TOR1AIP2: variants seen among roughly 807,000 people sequenced by gnomAD.
TOR1AIP2 encodes torsin 1A interacting protein 2.
Under a neutral mutation model 32.6 loss-of-function variants are expected in TOR1AIP2, and 20 were observed. The ratio of observed to expected loss-of-function variants is 0.61; its 90% CI spans 0.43 to 0.89. TOR1AIP2 has a LOEUF of 0.89. Ranked by LOEUF, TOR1AIP2 falls within the 40% of genes least tolerant of loss-of-function variation. TOR1AIP2 has a pLI of 0.00. For missense variants in TOR1AIP2, 456 were observed against 553.8 expected (o/e 0.82, Z 1.77); for synonymous variants, 214 against 210.8 (o/e 1.02, Z -0.13).
At chr1:179,854,621 G>A (rs1296357112) in intron 3 of TOR1AIP2, among the ~76,000 whole-genome samples, 1 of 152,164 alleles carries the variant, frequency 6.6e-6, no homozygotes, top group African/African-American at 2.4e-5. Flanking sequence ...TGTAATCCCT[G>A]CACTTTGGGA....
chr1:179,869,973 G>A (rs547208625), intron 2 of TOR1AIP2, among the ~76,000 whole-genome samples: 10 of 152,292 alleles, frequency 6.6e-5, no homozygotes, highest in Admixed American at 4.6e-4. Context: ...TGCTCACAAA[G>A]CCAAAGGATA....
In TOR1AIP2 at chr1:179,846,522, G is replaced by A. The variant is rs745476578; in HGVS notation, c.962C>T (p.Ser321Phe). Residue 321 changes from serine to phenylalanine, a missense_variant, in exon 7 of 7, where the codon TCT becomes TTT. Physicochemically the swap from Ser to Phe is radical, Grantham distance 155 (BLOSUM62 -2). Coordinates refer to ENST00000609928, the MANE Select transcript of TOR1AIP2 (RefSeq NM_001199260.2). ...CTGAATGGGAGAGACTTTCTGGGAA[G>A]AGGTGTAGGCATCTGCAACATGGTG... The part of the protein sequence containing the change: ...LSHHVADAYT[S>F]SQKVSPIQID... 47 of 1,614,058 alleles carry A rather than the reference G, an allele frequency of 2.9e-5. No homozygotes were observed. The highest frequency in any genetic ancestry group is 3.9e-5 in the Non-Finnish European group (46 of 1,180,034).
intron 3 of TOR1AIP2, chr1:179,864,028 T>C (rs1474192810): frequency 1.0e-6 from 1 of 985,338 alleles, no homozygotes; most frequent in Non-Finnish European, 1.2e-6. Flanking sequence ...CTTTTCCATT[T>C]CCAGGGGAGG....
At chr1:179,864,441 G>C in intron 3 of TOR1AIP2, 2 of 1,045,316 alleles carry the variant, frequency 1.9e-6, no homozygotes, top group African/African-American at 3.4e-5. Context: ...ACACAGTATA[G>C]GACTTCCCCT....
chr1:179,849,430 T>C (rs13374504), intron 5 of TOR1AIP2, among the ~76,000 whole-genome samples: 2,973 of 152,006 alleles, frequency 0.02, 116 homozygotes, highest in African/African-American at 0.068. Flanking sequence ...GTTTTTGCCA[T>C]GTTGCCCAGG....
At chr1:179,871,874 G>T (rs1246845826) in intron 2 of TOR1AIP2, among the ~76,000 whole-genome samples, 2 of 151,914 alleles carry the variant, frequency 1.3e-5, no homozygotes, top group Admixed American at 1.3e-4. Flanking sequence ...TATGAAAAAA[G>T]GAATCATTCT....
Position 179,852,644 on chromosome 1 carries a change from C to T in TOR1AIP2, c.22G>A (p.Glu8Lys). Residue 8 changes from glutamate (E) to lysine (K), a missense_variant, in exon 4 of 7, where the codon GAA becomes AAA. By Grantham distance (56) the Glu-to-Lys change is moderately conservative. Coordinates refer to ENST00000609928, the MANE Select transcript of TOR1AIP2 (RefSeq NM_001199260.2). Reference sequence around the variant, plus strand: ...AAATCAGTCTTACCCTCTTGAGGTTCCCTAAGTCCACTGTCGGCCATGTTT... The same window carrying T: ...AAATCAGTCTTACCCTCTTGAGGTTTCCTAAGTCCACTGTCGGCCATGTTT... Reference protein sequence around the residue: MADSGLREPQEDSQKDLE... With the variant: MADSGLRKPQEDSQKDLE... 6.2e-7 allele frequency: 1 copy of T among 1,614,076 alleles called. No individual in the cohort carries two copies. Among genetic ancestry groups the T allele is most frequent in the Non-Finnish European group, 8.5e-7 (1 of 1,179,976 alleles).
chr1:179,863,777 T>G, intron 3 of TOR1AIP2: 1 of 984,656 alleles, frequency 1.0e-6, no homozygotes, highest in South Asian at 4.7e-5. Flanking sequence ...ACTAGATACC[T>G]AGATACCTGG....
rs1183656386 is a variant in TOR1AIP2, at chr1:179,845,287, G to C, written c.*784C>G. On this transcript the variant is annotated 3_prime_UTR_variant, in exon 7 of 7. Coordinates refer to ENST00000609928, the MANE Select transcript of TOR1AIP2 (RefSeq NM_001199260.2). ...AAAAGCAGAACTGCTCTGATACAAA[G>C]GGGAAGGGTGCCAGTAGACACAGTT... 1 of 152,188 alleles carries C rather than the reference G, an allele frequency of 6.6e-6. No homozygotes were observed. The highest frequency in any genetic ancestry group is 2.4e-5 in the African/African-American group (1 of 41,442). 9.4% of individuals were successfully genotyped at this position (152,188 alleles called of 1,614,324 possible). A position where few individuals can be genotyped will look rare whatever the true frequency, so the allele number is the denominator to read the frequency against.
At position 179,877,726 on chromosome 1, in the gene TOR1AIP2, T is replaced by C. The variant is rs2148464681; in HGVS notation, c.-734A>G. ...GCGAAGTTTTAAATCGTAAAACTGTTAGTATCAGGAGAGCCCTTCGAGTAT... is the reference window on the plus strand; with the variant it reads ...GCGAAGTTTTAAATCGTAAAACTGTCAGTATCAGGAGAGCCCTTCGAGTAT... On this transcript the variant is annotated 5_prime_UTR_variant, in exon 1 of 7. Transcript: ENST00000609928. The C allele has an allele frequency of 6.6e-6, 1 of 152,328 alleles. No individual in the cohort carries two copies. The highest frequency in any genetic ancestry group is 2.1e-4 in the South Asian group (1 of 4,836). The allele number at this position is 152,328 out of a possible 1,614,324, so 9.4% of individuals were successfully genotyped here.
At chr1:179,870,005 T>C (rs543180574) in intron 2 of TOR1AIP2, among the ~76,000 whole-genome samples, 30 of 152,332 alleles carry the variant, frequency 2.0e-4, no homozygotes, top group South Asian at 1.2e-3. Context: ...TGAATAAATA[T>C]TGGCGGTGGG....
chr1:179,864,977 G>A, intron 3 of TOR1AIP2: 1 of 1,614,044 alleles, frequency 6.2e-7, no homozygotes, highest in Non-Finnish European at 8.5e-7. Flanking sequence ...AAGTGGGAAA[G>A]ACCAAGGAAG....
chr1:179,846,961 G>A, intron 6 of TOR1AIP2, 133 bp from the exon 7 acceptor site: 1 of 926,386 alleles, frequency 1.1e-6, no homozygotes. Flanking sequence ...TGCATAAATT[G>A]TTTAAACTTT....
intron 3 of TOR1AIP2, among the ~76,000 whole-genome samples, chr1:179,853,382 C>CT (rs1696186220): frequency 6.6e-6 from 1 of 152,086 alleles, no homozygotes; most frequent in South Asian, 2.1e-4. Context: ...TATACAATGC[C>CT]TTTTTATGCA....
At chr1:179,866,698 C>A (rs1696792823) in intron 2 of TOR1AIP2, among the ~76,000 whole-genome samples, 1 of 152,208 alleles carries the variant, frequency 6.6e-6, no homozygotes, top group Non-Finnish European at 1.5e-5. Flanking sequence ...AGCCACCGTG[C>A]CCGGGTGCCC....
intron 5 of TOR1AIP2, among the ~76,000 whole-genome samples, chr1:179,849,143 C>CA (rs1226734875): frequency 3.0e-3 from 451 of 148,894 alleles, no homozygotes; most frequent in African/African-American, 0.01. Context: ...CTCAAAAAAA[C>CA]AAAAAAAAAG....
intron 2 of TOR1AIP2, chr1:179,867,711 G>C (rs1276262642): frequency 6.6e-6 from 1 of 152,134 alleles, no homozygotes; most frequent in Non-Finnish European, 1.5e-5. Flanking sequence ...GACTCTATTG[G>C]TAGGAGTCAA....
At chr1:179,849,960 A>G (rs946323969) in intron 5 of TOR1AIP2, among the ~76,000 whole-genome samples, 3 of 152,260 alleles carry the variant, frequency 2.0e-5, no homozygotes, top group African/African-American at 2.4e-5. Context: ...ATTGATTTGC[A>G]GTGAAACATG....
intron 2 of TOR1AIP2, among the ~76,000 whole-genome samples, chr1:179,866,515 C>T (rs1029128142): frequency 2.0e-5 from 3 of 152,098 alleles, no homozygotes; most frequent in South Asian, 2.1e-4. Context: ...TGGGTTCAAG[C>T]GATTCTCCTG....
Sources: allele counts gnomAD v4.1 joint callset (sites outside exome capture counted in the v4.1 genomes callset), GRCh38; gene constraint gnomAD v4.1.1; transcripts MANE v1.5; gene names NCBI Gene and HGNC (gene_info 2026-07-23, HGNC 2026-07-21).